OTOGL: variants seen among roughly 807,000 people sequenced by gnomAD.
The protein encoded by OTOGL is otogelin-like protein.
Under a neutral mutation model 318.5 loss-of-function variants are expected in OTOGL, and 285 were observed. That is an observed-to-expected ratio of 0.89 (90% confidence interval 0.81 to 0.99). OTOGL has a LOEUF of 0.99. Among genes scored for constraint, OTOGL ranks in the 50% least tolerant of loss-of-function variants. The pLI is 0.00. For synonymous variants in OTOGL, 987 were observed against 936.5 expected (o/e 1.05, Z -0.99); for missense variants, 2,899 against 2,845.6 (o/e 1.02, Z -0.43).
At chr12:80,307,643 A>G (rs190119267) in intron 29 of OTOGL, among the ~76,000 whole-genome samples, 7,634 of 79,210 alleles carry the variant, frequency 0.096, 846 homozygotes, top group African/African-American at 0.32. Context: ...CCTGGATGGG[A>G]CGGCTGGCCG....
chr12:80,318,594 T>C lies in OTOGL; in HGVS notation c.3683T>C (p.Leu1228Pro). Residue 1228 changes from leucine to proline, a missense_variant, in exon 33 of 59, where the codon CTT (leucine) becomes CCT (proline). Leu to Pro is a moderately conservative substitution (Grantham distance 98, BLOSUM62 -3). Coordinates refer to ENST00000547103, the MANE Select transcript of OTOGL (RefSeq NM_001378609.3). ...YMLASYGQSG[L>P]VLGANMTSRS... ...CTGGCAAGCTATGGGCAGAGTGGCC[T>C]TGTTCTGGGGGCCAATATGACCAGC... is the stretch of plus-strand genomic sequence containing the variant. The C allele has an allele frequency of 6.9e-7, 1 of 1,446,120 alleles. No individual in the cohort carries two copies. Among genetic ancestry groups the C allele is most frequent in the Non-Finnish European group, 9.1e-7 (1 of 1,100,538 alleles). 89.6% of individuals were successfully genotyped at this position (1,446,120 alleles called of 1,614,324 possible).
intron 44 of OTOGL, among the ~76,000 whole-genome samples, chr12:80,350,085 A>G (rs930624373): frequency 6.6e-5 from 10 of 152,178 alleles, no homozygotes; most frequent in Admixed American, 3.3e-4. Flanking sequence ...GTCCCTGGTA[A>G]CCATAATTCC....
intron 11 of OTOGL, among the ~76,000 whole-genome samples, chr12:80,249,103 G>T (rs1475149626): frequency 6.9e-6 from 1 of 145,880 alleles, no homozygotes; most frequent in African/African-American, 2.8e-5. Context: ...GTTTGCCTTT[G>T]GTTTGAATGT....
At chr12:80,288,749 C>T (rs755041251) in intron 26 of OTOGL, among the ~76,000 whole-genome samples, 1 of 151,980 alleles carries the variant, frequency 6.6e-6, no homozygotes, top group Non-Finnish European at 1.5e-5. Context: ...TCCACCAGGT[C>T]ATTTATGTTC....
At chr12:80,107,020 G>A (rs1004648690) in intron 1 of OTOGL, among the ~76,000 whole-genome samples, 6 of 151,982 alleles carry the variant, frequency 3.9e-5, no homozygotes, top group Non-Finnish European at 8.8e-5. Context: ...AAATTTTATA[G>A]TAATTTATAT....
rs1220901594 is a variant in OTOGL at position 80,149,661 on chromosome 12, C to G, written c.-20+50056C>G. Among the ~76,000 whole-genome samples, 42 of 149,028 alleles carry G rather than the reference C, an allele frequency of 2.8e-4. No individual in the cohort carries two copies. In the South Asian group the frequency reaches 4.9e-3, roughly 18 times the overall value. On this transcript the variant is annotated intron_variant, in intron 1 of 58. Transcript: ENST00000547103. ...CCTGGGCAATGGCGGGCGCCCCTCCCCCAGCCTCGCTGCCGCCTTGCAGTT... is the reference window on the plus strand; with the variant it reads ...CCTGGGCAATGGCGGGCGCCCCTCCGCCAGCCTCGCTGCCGCCTTGCAGTT...
rs769745282 is a variant in OTOGL at position 80,355,953 on chromosome 12, G to A, written c.5806+5G>A. ...GCTGTTCAAAGGAAGTTTGTGGTAT[G>A]TATGCAGAAGCCTTATAGTCAATTG... On this transcript the variant is annotated splice_donor_5th_base_variant and intron_variant, in intron 47 of 58. Coordinates refer to ENST00000547103, the MANE Select transcript of OTOGL (RefSeq NM_001378609.3). 21 of 1,612,386 alleles carry A rather than the reference G, an allele frequency of 1.3e-5. No homozygotes were observed. Among genetic ancestry groups the A allele is most frequent in the Admixed American group, 1.7e-5 (1 of 59,980 alleles).
intron 26 of OTOGL, among the ~76,000 whole-genome samples, chr12:80,282,649 T>C (rs1460469007): frequency 6.6e-6 from 1 of 151,902 alleles, no homozygotes; most frequent in African/African-American, 2.4e-5. Context: ...AACAATTTTA[T>C]ATTAGAATCC....
At chr12:80,172,665 A>G (rs1874284399) in intron 1 of OTOGL, among the ~76,000 whole-genome samples, 1 of 152,148 alleles carries the variant, frequency 6.6e-6, no homozygotes, top group Non-Finnish European at 1.5e-5. Flanking sequence ...CTGGATAAAG[A>G]AAATGTGGTA....
chr12:80,189,860 G>T (rs770426741), intron 1 of OTOGL, among the ~76,000 whole-genome samples: 9 of 152,146 alleles, frequency 5.9e-5, no homozygotes, highest in Non-Finnish European at 1.3e-4. Flanking sequence ...TAGCTATACG[G>T]GAGGAAGCTC....
At chr12:80,320,749 T>C in intron 34 of OTOGL, 49 bp downstream of exon 34, 1 of 1,452,142 alleles carries the variant, frequency 6.9e-7, no homozygotes, top group Non-Finnish European at 9.1e-7. Flanking sequence ...TAATTTATAT[T>C]AGGCAGAATA....
At chr12:80,290,606 G>A (rs1247591211) in intron 26 of OTOGL, among the ~76,000 whole-genome samples, 3 of 152,100 alleles carry the variant, frequency 2.0e-5, no homozygotes, top group Non-Finnish European at 2.9e-5. Context: ...AAAGATGTTT[G>A]TTTATGGTAT....
At chr12:80,198,338 A>T (rs1173850795) in intron 1 of OTOGL, among the ~76,000 whole-genome samples, 1 of 152,188 alleles carries the variant, frequency 6.6e-6, no homozygotes, top group Non-Finnish European at 1.5e-5. Context: ...CTGTAATCCC[A>T]GCATTTGGGG....
At chr12:80,283,197 C>T (rs1245128047) in intron 26 of OTOGL, among the ~76,000 whole-genome samples, 1 of 151,864 alleles carries the variant, frequency 6.6e-6, no homozygotes, top group Non-Finnish European at 1.5e-5. Context: ...CAATAATATA[C>T]TATTTCTTTC....
intron 1 of OTOGL, among the ~76,000 whole-genome samples, chr12:80,148,606 G>C (rs1431979522): frequency 6.6e-6 from 1 of 151,948 alleles, no homozygotes; most frequent in Non-Finnish European, 1.5e-5. Context: ...GGCCTGCCTT[G>C]CTAGATTGGG....
At chr12:80,238,799 G>A in intron 9 of OTOGL, 52 bp from the exon 10 acceptor site, 1 of 1,376,606 alleles carries the variant, frequency 7.3e-7, no homozygotes, top group Non-Finnish European at 9.4e-7. Context: ...TGTGGAAAAT[G>A]ATATGATTAC....
At chr12:80,162,103 G>C (rs1462550794) in intron 1 of OTOGL, among the ~76,000 whole-genome samples, 1 of 152,120 alleles carries the variant, frequency 6.6e-6, no homozygotes, top group Non-Finnish European at 1.5e-5. Flanking sequence ...AAATTCTAAA[G>C]TGATTTTATG....
intron 11 of OTOGL, among the ~76,000 whole-genome samples, chr12:80,250,171 G>A (rs933795189): frequency 3.3e-5 from 5 of 152,092 alleles, no homozygotes. Flanking sequence ...GTTCCTATTC[G>A]GCCATCTTGG....
chr12:80,208,631 A>T (rs995363583), intron 1 of OTOGL, among the ~76,000 whole-genome samples: 2 of 152,226 alleles, frequency 1.3e-5, no homozygotes, highest in Non-Finnish European at 2.9e-5. Flanking sequence ...CCTGTTAAAG[A>T]ATAGTGCCCC....
Sources: gnomAD v4.1 joint callset for allele counts (sites outside exome capture counted in the v4.1 genomes callset) on GRCh38, gnomAD v4.1.1 for gene constraint, MANE v1.5 for transcripts, NCBI Gene and HGNC (gene_info 2026-07-23, HGNC 2026-07-21) for gene names.